Variants in UBR2 observed in about 807,000 individuals in gnomAD.
UBR2 encodes the protein ubiquitin protein ligase E3 component n-recognin 2.
UBR2 carries 92 observed loss-of-function variants against 247.9 expected under a neutral mutation model. That is an observed-to-expected ratio of 0.37 (90% CI 0.31 to 0.44). The LOEUF is 0.44. Ranked by LOEUF, UBR2 falls within the 20% of genes least tolerant of loss-of-function variation. The pLI is 1.00. For synonymous variants in UBR2, 672 were observed against 693.5 expected, an observed-to-expected ratio of 0.97 and a Z score of 0.49; for missense variants, 1,613 against 2,112.6, an observed-to-expected ratio of 0.76 and a Z score of 4.64.
intron 11 of UBR2, among the ~76,000 whole-genome samples, chr6:42,621,654 G>T (rs1367185915): frequency 2.0e-5 from 3 of 152,038 alleles, no homozygotes; most frequent in Non-Finnish European, 4.4e-5. Flanking sequence ...TAGAGATGGG[G>T]TTTTGCCATG....
intron 22 of UBR2, 144 bp from the exon 23 acceptor site, chr6:42,650,140 A>G (rs1010860834): frequency 4.8e-6 from 3 of 626,394 alleles, no homozygotes. Flanking sequence ...TAGACTGCCA[A>G]ATCAACCCAC....
At chr6:42,619,450 T>TA (rs1794811643) in intron 11 of UBR2, 1 of 49,094 alleles carries the variant, frequency 2.0e-5, no homozygotes, top group African/African-American at 7.3e-5. Flanking sequence ...TATATATATA[T>TA]ATATTTTTTT....
At chr6:42,613,886 A>C (rs1051228783) in intron 8 of UBR2, among the ~76,000 whole-genome samples, 5 of 151,618 alleles carry the variant, frequency 3.3e-5, no homozygotes, top group Admixed American at 1.3e-4. Flanking sequence ...TAAATTATGA[A>C]GTATGGGGCC....
In UBR2 at chr6:42,573,760, T is replaced by A. The variant is rs1249972344; in HGVS notation, c.105T>A (p.Thr35=). 2 of 1,591,262 alleles carry A rather than the reference T, an allele frequency of 1.3e-6. No individual in the cohort carries two copies. Among genetic ancestry groups the A allele is most frequent in the Non-Finnish European group, 1.7e-6 (2 of 1,166,476 alleles). The part of the protein sequence containing the change: ...AGKWLQATDL[T]REVYQHLAHY... ...AATGGCTGCAAGCAACTGACCTCAC[T>A]AGAGAAGTGTACCAGCATTTAGCCC... is the stretch of plus-strand genomic sequence containing the variant. Residue 35 remains threonine, a synonymous_variant, in exon 2 of 47, where the codon ACT becomes ACA. Coordinates refer to ENST00000372901, the MANE Select transcript of UBR2 (RefSeq NM_001363705.2).
rs1368757547 is a variant in UBR2 at position 42,616,032 on chromosome 6, T to C, written c.1124T>C (p.Met375Thr). The C allele has an allele frequency of 1.2e-6, 2 of 1,606,894 alleles. No homozygotes were observed. The highest frequency in any genetic ancestry group is 2.2e-5 in the East Asian group (1 of 44,676). ...GARSVYHQLF[M>T]SSLLMDLKYK... ...AGGAGTGTATATCATCAGTTGTTCA[T>C]GAGCAGTCTGCTTATGGATTTGAAA... The change falls in exon 10 of 47, where the codon ATG becomes ACG. Residue 375 changes from methionine (M) to threonine (T), a missense_variant. Met to Thr is a moderately conservative substitution (Grantham distance 81). Coordinates refer to ENST00000372901, the MANE Select transcript of UBR2 (RefSeq NM_001363705.2).
At chr6:42,569,402 A>G (rs899361752) in intron 1 of UBR2, among the ~76,000 whole-genome samples, 34 of 152,066 alleles carry the variant, frequency 2.2e-4, no homozygotes, top group African/African-American at 2.4e-5. Context: ...CATTTCCCTC[A>G]TGAGTCATGT....
chr6:42,685,445 TA>T (rs1195932052), intron 44 of UBR2, among the ~76,000 whole-genome samples: 20 of 151,530 alleles, frequency 1.3e-4, no homozygotes, highest in African/African-American at 4.9e-4. Context: ...TAATTGCACT[TA>T]AAGTAATAAC....
chr6:42,635,843 A>G (rs1056301968), intron 14 of UBR2, among the ~76,000 whole-genome samples: 5 of 152,210 alleles, frequency 3.3e-5, no homozygotes, highest in Admixed American at 6.5e-5. Context: ...GGTAGTTTCT[A>G]AATTTATTCA....
intron 8 of UBR2, among the ~76,000 whole-genome samples, chr6:42,614,404 G>GTATATACATACGTATA (rs372482129): frequency 3.5e-5 from 4 of 114,684 alleles, no homozygotes; most frequent in Non-Finnish European, 5.4e-5. Flanking sequence ...ACATACATAC[G>GTATATACATACGTATA]TATGTATGTA....
chr6:42,617,853 A>T (rs989633287), intron 11 of UBR2, among the ~76,000 whole-genome samples: 1 of 152,182 alleles, frequency 6.6e-6, no homozygotes, highest in East Asian at 1.9e-4. Context: ...TAGACAGCAT[A>T]TTGTACACCG....
chr6:42,623,033 CAGTTTT>C (rs1273147062), intron 11 of UBR2, among the ~76,000 whole-genome samples: 3 of 151,994 alleles, frequency 2.0e-5, no homozygotes, highest in Admixed American at 6.6e-5. Flanking sequence ...TGAATAACAG[CAGTTTT>C]AGTTCTTATT....
At chr6:42,639,219 CTTGAGTAA>C (rs1796281331) in intron 15 of UBR2, among the ~76,000 whole-genome samples, 1 of 152,156 alleles carries the variant, frequency 6.6e-6, no homozygotes, top group Non-Finnish European at 1.5e-5. Context: ...TCAAACCAGG[CTTGAGTAA>C]ATGGCCATTA....
Position 42,573,365 on chromosome 6 carries a change from T to G in UBR2, c.79-369T>G, listed in dbSNP as rs115519804. 4.0e-3 allele frequency among the ~76,000 whole-genome samples: 611 copies of G among 152,302 alleles called. 1 individual carries two copies. The highest frequency in any genetic ancestry group is 0.014 in the African/African-American group (568 of 41,562). On this transcript the variant is annotated intron_variant, in intron 1 of 46. Coordinates refer to ENST00000372901, the MANE Select transcript of UBR2 (RefSeq NM_001363705.2). ...GGACAAACTGACGTGAGAATTGATA[T>G]CACAATGAGAATAACATTTGAGCAA...
chr6:42,605,319 C>A lies in UBR2; in HGVS notation c.663-402C>A, dbSNP rs187198652. ...TTCTACCCACTAGATGCCAGCAGCACCCAAAGCCCCAGTCTTGACAACCAG... is the reference window on the plus strand; with the variant it reads ...TTCTACCCACTAGATGCCAGCAGCAACCAAAGCCCCAGTCTTGACAACCAG... On this transcript the variant is annotated intron_variant, in intron 5 of 46. Coordinates refer to ENST00000372901, the MANE Select transcript of UBR2 (RefSeq NM_001363705.2). 9.4e-4 allele frequency among the ~76,000 whole-genome samples: 143 copies of A among 152,216 alleles called. 1 individual carries two copies. The highest frequency in any genetic ancestry group is 8.2e-3 in the Admixed American group (125 of 15,282).
chr6:42,685,945 T>A (rs1166785748), intron 44 of UBR2, among the ~76,000 whole-genome samples: 2 of 152,148 alleles, frequency 1.3e-5, no homozygotes, highest in Non-Finnish European at 2.9e-5. Context: ...TCCCCAGCTG[T>A]CTCTTCTCTG....
intron 26 of UBR2, among the ~76,000 whole-genome samples, chr6:42,657,125 C>T (rs756759621): frequency 6.6e-6 from 1 of 151,422 alleles, no homozygotes; most frequent in Non-Finnish European, 1.5e-5. Flanking sequence ...ATCCCAGCTG[C>T]TCGGGAGGCT....
chr6:42,657,158 C>A (rs977523897), intron 26 of UBR2, among the ~76,000 whole-genome samples: 1 of 151,546 alleles, frequency 6.6e-6, no homozygotes, highest in South Asian at 2.1e-4. Context: ...TCGCTTGAAC[C>A]CAGGAGGTGG....
chr6:42,595,089 A>G (rs542508166), intron 4 of UBR2, among the ~76,000 whole-genome samples: 2 of 152,332 alleles, frequency 1.3e-5, no homozygotes. Flanking sequence ...ACATATATAC[A>G]ATGTGTAATG....
At chr6:42,565,831 A>AT (rs1470076936) in intron 1 of UBR2, among the ~76,000 whole-genome samples, 3 of 152,092 alleles carry the variant, frequency 2.0e-5, no homozygotes, top group Admixed American at 6.6e-5. Flanking sequence ...AAGTGCTGGG[A>AT]TTACAGGCGT....
Sources: gnomAD v4.1 joint callset for allele counts (sites outside exome capture counted in the v4.1 genomes callset) on GRCh38, gnomAD v4.1.1 for gene constraint, MANE v1.5 for transcripts, NCBI Gene and HGNC (gene_info 2026-07-23, HGNC 2026-07-21) for gene names.